The following POTEH variants were observed in gnomAD, a reference collection of about 807,000 sequenced individuals.
POTEH encodes POTE ankyrin domain family member H, also known as ANKRD26-like family C member 3.
A neutral mutation model predicts 41.7 loss-of-function variants in POTEH; 6 were observed. The ratio of observed to expected loss-of-function variants is 0.14; its 90% CI spans 0.08 to 0.28. POTEH has a LOEUF of 0.28. Among genes scored for constraint, POTEH ranks in the 10% least tolerant of loss-of-function variants. POTEH has a pLI of 1.00. For missense variants in POTEH, 115 were observed against 533.5 expected, an observed-to-expected ratio of 0.22 and a Z score of 7.73; for synonymous variants, 38 against 179.9, an observed-to-expected ratio of 0.21 and a Z score of 6.31.
rs142856307 is a variant in POTEH at position 15,691,985 on chromosome 22, C to CATATATATATATATAT, written c.632+1284_632+1299dup. ...AAGTGCCTATTTACATATGCAGATACATATATATATATATATATATATAAA... is the reference window on the plus strand; with the variant it reads ...AAGTGCCTATTTACATATGCAGATACATATATATATATATATATATATATATATATATATATATAAA... On this transcript the variant is annotated intron_variant, in intron 1 of 10. Coordinates refer to ENST00000343518, the MANE Select transcript of POTEH (RefSeq NM_001136213.1). Among the ~76,000 whole-genome samples, 8 of 124,472 alleles carry CATATATATATATATAT rather than the reference C, an allele frequency of 6.4e-5. No homozygotes were observed. In the East Asian group the frequency reaches 1.3e-3, roughly 21 times the overall value. The allele number at this position is 124,472 out of a possible 152,430, so 81.7% of individuals were successfully genotyped here.
At chr22:15,713,418 G>A (rs1230222881) in intron 9 of POTEH, among the ~76,000 whole-genome samples, 3 of 152,272 alleles carry the variant, frequency 2.0e-5, no homozygotes, top group African/African-American at 7.2e-5. Context: ...ATTCATCACG[G>A]TCTGTTTTGC....
At chr22:15,709,072 G>T (rs1442842795) in intron 7 of POTEH, among the ~76,000 whole-genome samples, 1 of 149,010 alleles carries the variant, frequency 6.7e-6, no homozygotes, top group Non-Finnish European at 1.5e-5. Flanking sequence ...TGGGACCTTT[G>T]GTGTTAGTGC....
In POTEH at chr22:15,690,050, A is replaced by C. The variant is rs755067571; in HGVS notation, c.-28A>C. 16 of 1,397,674 alleles carry C rather than the reference A, an allele frequency of 1.1e-5. 2 individuals are homozygous for C. In the South Asian group the frequency reaches 1.3e-4, roughly 11 times the overall value. 86.6% of individuals were successfully genotyped at this position (1,397,674 alleles called of 1,614,324 possible). On this transcript the variant is annotated 5_prime_UTR_variant, in exon 1 of 11. Transcript: ENST00000343518. ...TGGTAGACGCGATCTGCTGGCTACT[A>C]CCGGCCTTCCCTGGCTGTTAAAAGC...
chr22:15,692,973 T>G (rs1212374026), intron 1 of POTEH, among the ~76,000 whole-genome samples: 1 of 125,058 alleles, frequency 8.0e-6, no homozygotes, highest in Non-Finnish European at 1.8e-5. Context: ...TAGTATTGCT[T>G]AAAATAGCAG....
At chr22:15,691,930 C>G (rs1249264147) in intron 1 of POTEH, among the ~76,000 whole-genome samples, 3 of 145,108 alleles carry the variant, frequency 2.1e-5, no homozygotes, top group African/African-American at 7.4e-5. Context: ...TTTAAATATA[C>G]AAAAAGAGAA....
Position 15,690,348 on chromosome 22 carries a change from A to G in POTEH, c.271A>G (p.Met91Val), listed in dbSNP as rs762350152. The G allele has an allele frequency of 1.6e-5, 22 of 1,378,412 alleles. No homozygotes were observed. The highest frequency in any genetic ancestry group is 2.3e-5 in the East Asian group (1 of 43,062). The allele number at this position is 1,378,412 out of a possible 1,614,324, so 85.4% of individuals were successfully genotyped here. A position where few individuals can be genotyped will look rare whatever the true frequency, so the allele number is the denominator to read the frequency against. ...GTSGDHDDSA[M>V]KTLRSKMGKW... ...TTCTGGAGACCACGACGATTCTGCT[A>G]TGAAGACACTCAGGAGCAAGATGGG... Residue 91 changes from methionine to valine, a missense_variant, in exon 1 of 11, where the codon ATG (methionine) becomes GTG (valine). Coordinates refer to ENST00000343518, the MANE Select transcript of POTEH (RefSeq NM_001136213.1).
intron 1 of POTEH, among the ~76,000 whole-genome samples, chr22:15,690,911 A>G (rs1989290388): frequency 7.7e-6 from 1 of 130,364 alleles, no homozygotes; most frequent in Non-Finnish European, 1.8e-5. Flanking sequence ...TTTCCAATCA[A>G]ATCATAATTT....
intron 1 of POTEH, among the ~76,000 whole-genome samples, chr22:15,692,730 G>C (rs1252056983): frequency 3.1e-4 from 39 of 124,994 alleles, no homozygotes; most frequent in Non-Finnish European, 5.1e-4. Context: ...ATTCCGGCAT[G>C]GGTGACAGAG....
At chr22:15,713,263 A>G (rs1327583424) in intron 9 of POTEH, among the ~76,000 whole-genome samples, 1 of 152,298 alleles carries the variant, frequency 6.6e-6, no homozygotes, top group African/African-American at 2.4e-5. Context: ...TCTGTAAATA[A>G]ATCTATGCAT....
chr22:15,692,009 A>AT (rs1421248855), intron 1 of POTEH, among the ~76,000 whole-genome samples: 5 of 128,566 alleles, frequency 3.9e-5, no homozygotes, highest in Admixed American at 1.6e-4. Context: ...TATATATATA[A>AT]ATTTCTTTTT....
At chr22:15,713,690 G>T (rs1461498323) in intron 9 of POTEH, among the ~76,000 whole-genome samples, 12 of 152,094 alleles carry the variant, frequency 7.9e-5, no homozygotes, top group African/African-American at 2.7e-4. Flanking sequence ...AGTAGTGACA[G>T]GGTTTCCCCA....
chr22:15,693,521 T>C (rs1321566485), intron 1 of POTEH, among the ~76,000 whole-genome samples: 4 of 151,896 alleles, frequency 2.6e-5, no homozygotes, highest in African/African-American at 9.6e-5. Context: ...GTAAAAAGTA[T>C]GAATTAATCA....
chr22:15,691,237 T>C (rs1350056100), intron 1 of POTEH, among the ~76,000 whole-genome samples: 6 of 140,910 alleles, frequency 4.3e-5, no homozygotes, highest in African/African-American at 1.3e-4. Flanking sequence ...AGATGTGAGC[T>C]TTTTGGCTGG....
intron 9 of POTEH, among the ~76,000 whole-genome samples, chr22:15,713,785 C>T (rs1179780714): frequency 6.6e-6 from 1 of 152,268 alleles, no homozygotes; most frequent in Non-Finnish European, 1.5e-5. Context: ...CAGGCATGAG[C>T]CACAGTGCCT....
intron 6 of POTEH, 59 bp from the exon 7 acceptor site, chr22:15,707,960 CA>C: frequency 1.5e-6 from 1 of 654,960 alleles, no homozygotes; most frequent in South Asian, 2.0e-5. Flanking sequence ...TTTTAAAAGG[CA>C]ATAGTTTTTA....
At chr22:15,699,131 C>A (rs1601496933) in intron 4 of POTEH, among the ~76,000 whole-genome samples, 1 of 145,398 alleles carries the variant, frequency 6.9e-6, no homozygotes, top group African/African-American at 2.6e-5. Context: ...CATGCTTTTC[C>A]ACTAAATACG....
chr22:15,713,605 T>C (rs1377971763), intron 9 of POTEH, among the ~76,000 whole-genome samples: 2 of 152,286 alleles, frequency 1.3e-5, no homozygotes, highest in Non-Finnish European at 2.9e-5. Context: ...CTTCCAGCGC[T>C]TCTCCTGCCT....
At chr22:15,695,988 G>T (rs1601495292) in intron 3 of POTEH, among the ~76,000 whole-genome samples, 170 bp downstream of exon 3, 4 of 50,882 alleles carry the variant, frequency 7.9e-5, no homozygotes, top group African/African-American at 2.6e-4. Flanking sequence ...TACTTTCAAA[G>T]AAGCATTAGA....
At chr22:15,699,512 C>G (rs1358491228) in intron 4 of POTEH, 1 of 191,834 alleles carries the variant, frequency 5.2e-6, no homozygotes, top group African/African-American at 2.4e-5. Flanking sequence ...TATTTACCAC[C>G]AAATATGTTG....
Sources: allele counts gnomAD v4.1 joint callset (sites outside exome capture counted in the v4.1 genomes callset), GRCh38; gene constraint gnomAD v4.1.1; transcripts MANE v1.5; gene names NCBI Gene and HGNC (gene_info 2026-07-23, HGNC 2026-07-21).